The following SAMMSON variants were observed in gnomAD, a reference collection of about 807,000 sequenced individuals.
SAMMSON encodes survival associated mitochondrial melanoma specific oncogenic non-coding RNA.
At chr3:70,324,199 C>CTATCTATCTATCATCT (rs1553655704) in intron 7 of SAMMSON, among the ~76,000 whole-genome samples, 1 of 90,230 alleles carries the variant, frequency 1.1e-5, no homozygotes. Context: ...ATCTATCTAT[C>CTATCTATCTATCATCT]ATCTATCTAT....
At chr3:70,042,638 G>C (rs529819064) in intron 3 of SAMMSON, among the ~76,000 whole-genome samples, 1 of 152,184 alleles carries the variant, frequency 6.6e-6, no homozygotes, top group Admixed American at 6.6e-5. Flanking sequence ...TAGGTGAAGA[G>C]GTTGAGTTGT....
In SAMMSON at chr3:70,146,233, G is replaced by C. The variant is rs1243099281; in HGVS notation, n.507+74668G>C. ...TCTTCAGACCCAAATAATTTCACTG[G>C]ATGAGTCCACTAAACATTTAGAGGA... On this transcript the variant is annotated intron_variant and non_coding_transcript_variant, in intron 4 of 9. Coordinates refer to ENST00000642114, the Ensembl canonical transcript of SAMMSON. 2.0e-5 allele frequency among the ~76,000 whole-genome samples: 3 copies of C among 151,910 alleles called. No individual in the cohort carries two copies. In the East Asian group the frequency reaches 5.8e-4, roughly 29 times the overall value.
At chr3:70,243,575 A>G (rs754524839) in intron 4 of SAMMSON, among the ~76,000 whole-genome samples, 2 of 152,198 alleles carry the variant, frequency 1.3e-5, no homozygotes, top group East Asian at 1.9e-4. Context: ...GTCATTTTGG[A>G]CTGGAGAATT....
In SAMMSON at chr3:70,206,477, C is replaced by CT. The variant is rs994240384; in HGVS notation, n.508-42621dup. 98 of 392,398 alleles carry CT rather than the reference C, an allele frequency of 2.5e-4. 1 individual carries two copies. The highest frequency in any genetic ancestry group is 1.4e-3 in the African/African-American group (69 of 48,368). 24.3% of individuals were successfully genotyped at this position (392,398 alleles called of 1,614,324 possible). ...TCTTCGTGTTTAATATTCATAAGGACTTTTTTTTTCCTAACAGCATATGTG... is the reference window on the plus strand; with the variant it reads ...TCTTCGTGTTTAATATTCATAAGGACTTTTTTTTTTCCTAACAGCATATGTG... On this transcript the variant is annotated intron_variant and non_coding_transcript_variant, in intron 4 of 9. Transcript: ENST00000642114.
chr3:70,056,187 A>G (rs1184203605), intron 3 of SAMMSON, among the ~76,000 whole-genome samples: 1 of 151,920 alleles, frequency 6.6e-6, no homozygotes, highest in Non-Finnish European at 1.5e-5. Flanking sequence ...TTTGATTTTT[A>G]CTAATCTCAA....
At chr3:70,004,198 C>T (rs758519571) in intron 1 of SAMMSON, among the ~76,000 whole-genome samples, 1 of 152,094 alleles carries the variant, frequency 6.6e-6, no homozygotes, top group African/African-American at 2.4e-5. Context: ...AGTTAGCTCA[C>T]ATAAAGTTAG....
intron 4 of SAMMSON, among the ~76,000 whole-genome samples, chr3:70,161,861 T>C (rs1169219004): frequency 7.0e-6 from 1 of 142,732 alleles, no homozygotes; most frequent in East Asian, 2.4e-4. Flanking sequence ...CTATTTTTTC[T>C]TGAGTCAGTT....
chr3:70,431,551 T>C (rs923505169), intron 2 of SAMMSON, among the ~76,000 whole-genome samples: 1 of 152,100 alleles, frequency 6.6e-6, no homozygotes, highest in Non-Finnish European at 1.5e-5. Context: ...CATTGTACAG[T>C]AGAGTACATT....
intron 4 of SAMMSON, among the ~76,000 whole-genome samples, chr3:70,217,418 AATATAATTTGCTAATTGCCTTCCAGAAAG>A (rs1359597657): frequency 1.3e-5 from 2 of 152,166 alleles, no homozygotes; most frequent in Non-Finnish European, 2.9e-5. Context: ...TCAAGCTTTT[AATATAATTTGCTAATTGCCTTCCAGAAAG>A]ATTGCGTCCA....
At chr3:70,224,939 C>G (rs1701489854) in intron 4 of SAMMSON, among the ~76,000 whole-genome samples, 1 of 152,058 alleles carries the variant, frequency 6.6e-6, no homozygotes, top group South Asian at 2.1e-4. Flanking sequence ...GAAACAGATT[C>G]ATTAGTTTTG....
intron 4 of SAMMSON, among the ~76,000 whole-genome samples, chr3:70,097,379 C>A (rs896346362): frequency 6.6e-5 from 10 of 152,218 alleles, no homozygotes; most frequent in African/African-American, 2.2e-4. Flanking sequence ...GGAGGCTAGG[C>A]ACAAAATTGT....
At chr3:70,132,778 A>AAAAG (rs1332540886) in intron 4 of SAMMSON, among the ~76,000 whole-genome samples, 4 of 135,222 alleles carry the variant, frequency 3.0e-5, no homozygotes, top group African/African-American at 1.1e-4. Context: ...CCTAAAAAAA[A>AAAAG]AAAAAAGAAA....
chr3:70,173,328 G>T (rs1700977881), intron 4 of SAMMSON, among the ~76,000 whole-genome samples: 1 of 151,772 alleles, frequency 6.6e-6, no homozygotes, highest in South Asian at 2.1e-4. Flanking sequence ...AATCAATTGA[G>T]TTTAATTTAA....
At chr3:70,006,126 G>A (rs1044766504) in intron 1 of SAMMSON, among the ~76,000 whole-genome samples, 3 of 152,086 alleles carry the variant, frequency 2.0e-5, no homozygotes, top group African/African-American at 7.2e-5. Flanking sequence ...CTAAAACCTT[G>A]CCTGTGCTAA....
In SAMMSON at chr3:70,417,677, A is replaced by T. The variant is rs558065105; in HGVS notation, n.234-44883A>T. ...AGTTAGCTTCCTTTTAAAGAAGCTT[A>T]TTTTTTTTTGTGGTCCCAAAGACCC... is the stretch of plus-strand genomic sequence containing the variant. On this transcript the variant is annotated intron_variant and non_coding_transcript_variant, in intron 2 of 3. Coordinates refer to the SAMMSON transcript ENST00000641053. 2.6e-4 allele frequency among the ~76,000 whole-genome samples: 40 copies of T among 151,156 alleles called. 1 individual carries two copies. The East Asian group carries it at 6.4e-3, about 24-fold the overall frequency.
chr3:70,375,646 A>G (rs1338503023), intron 9 of SAMMSON, among the ~76,000 whole-genome samples: 1 of 152,108 alleles, frequency 6.6e-6, no homozygotes, highest in East Asian at 1.9e-4. Flanking sequence ...CAACAGGATT[A>G]TTTGCATATG....
chr3:70,154,547 T>G (rs2106689174), intron 4 of SAMMSON, among the ~76,000 whole-genome samples: 1 of 152,102 alleles, frequency 6.6e-6, no homozygotes, highest in Non-Finnish European at 1.5e-5. Context: ...AGCTGTTAAA[T>G]CTCCTCCAGT....
At chr3:70,262,960 A>G (rs973862368) in intron 6 of SAMMSON, among the ~76,000 whole-genome samples, 3 of 152,078 alleles carry the variant, frequency 2.0e-5, no homozygotes, top group African/African-American at 4.8e-5. Context: ...TCCTATCTGT[A>G]TTGTCTAACC....
rs1001379762 is a variant in SAMMSON at position 70,186,290 on chromosome 3, G to T, written n.508-62817G>T. On this transcript the variant is annotated intron_variant and non_coding_transcript_variant, in intron 4 of 9. Coordinates refer to ENST00000642114, the Ensembl canonical transcript of SAMMSON. ...TTTTTTTTTTTTTTAGACAAATTGT[G>T]CTCTGTTACCTGGGCTCTAGTGCAG... 2.7e-5 allele frequency among the ~76,000 whole-genome samples: 4 copies of T among 148,464 alleles called. No individual in the cohort carries two copies. In the South Asian group the frequency reaches 8.5e-4, roughly 32 times the overall value.
Sources: allele counts gnomAD v4.1 joint callset (sites outside exome capture counted in the v4.1 genomes callset), GRCh38; gene constraint gnomAD v4.1.1; transcripts MANE v1.5; gene names NCBI Gene and HGNC (gene_info 2026-07-23, HGNC 2026-07-21).